ALKAL1: variants seen among roughly 807,000 people sequenced by gnomAD.
ALKAL1 encodes ALK and LTK ligand 1, also known as AUG-beta.
A neutral mutation model predicts 13.5 loss-of-function variants in ALKAL1; 23 were observed. The ratio of observed to expected loss-of-function variants is 1.70; its 90% CI spans 1.23 to 2.41. ALKAL1 has a LOEUF of 2.41. Ranked by LOEUF, ALKAL1 falls within the 30% of genes most tolerant of loss-of-function variation. The pLI is 0.00. For missense variants in ALKAL1, 181 were observed against 178.4 expected, an observed-to-expected ratio of 1.01 and a Z score of -0.08; for synonymous variants, 85 against 77.7, an observed-to-expected ratio of 1.09 and a Z score of -0.49.
chr8:52,562,504 G>A (rs193163086), intron 1 of ALKAL1, among the ~76,000 whole-genome samples: 2 of 152,190 alleles, frequency 1.3e-5, no homozygotes, highest in Admixed American at 1.3e-4. Context: ...AGTGTTCCTG[G>A]GAACCTAACA....
chr8:52,543,049 C>G lies in ALKAL1; in HGVS notation c.191-604G>C, dbSNP rs373077633. On this transcript the variant is annotated intron_variant, in intron 1 of 4. Transcript: ENST00000358543. The stretch of plus-strand genomic sequence containing the variant: ...AGAAATATACTATAAGTCATGATCT[C>G]TCCCACTTGGAAGGTTTTGCACTTA... Among the ~76,000 whole-genome samples the G allele has an allele frequency of 9.2e-5, 14 of 152,330 alleles. No homozygotes were observed. In the South Asian group the frequency reaches 2.9e-3, roughly 32 times the overall value.
intron 1 of ALKAL1, among the ~76,000 whole-genome samples, chr8:52,560,586 T>C (rs571226195): frequency 1.3e-5 from 2 of 152,306 alleles, no homozygotes; most frequent in African/African-American, 4.8e-5. Context: ...TGGAAAGTAG[T>C]CTCCTGGGAC....
intron 1 of ALKAL1, among the ~76,000 whole-genome samples, chr8:52,563,293 C>A (rs1306931343): frequency 6.6e-6 from 1 of 151,990 alleles, no homozygotes; most frequent in Non-Finnish European, 1.5e-5. Context: ...ATTAGCCGGG[C>A]GTGGTGGTGC....
At chr8:52,544,932 T>C (rs1020582184) in intron 1 of ALKAL1, among the ~76,000 whole-genome samples, 1 of 152,206 alleles carries the variant, frequency 6.6e-6, no homozygotes, top group Admixed American at 6.5e-5. Context: ...TTTTGTTTTT[T>C]TGAGACAGGG....
At chr8:52,538,381 A>G (rs1428652417) in intron 4 of ALKAL1, 50 bp downstream of exon 4, 2 of 1,075,120 alleles carry the variant, frequency 1.9e-6, no homozygotes, top group Admixed American at 4.3e-5. Context: ...AAATGTTTAA[A>G]AATAAAGTTA....
At chr8:52,543,803 C>T (rs1158429241) in intron 1 of ALKAL1, among the ~76,000 whole-genome samples, 1 of 152,004 alleles carries the variant, frequency 6.6e-6, no homozygotes, top group Non-Finnish European at 1.5e-5. Context: ...AATGAATGAG[C>T]TGAGTACAGC....
chr8:52,538,829 G>A, intron 3 of ALKAL1, among the ~76,000 whole-genome samples: 1 of 152,024 alleles, frequency 6.6e-6, no homozygotes, highest in East Asian at 1.9e-4. Flanking sequence ...GTAATCCAAT[G>A]TGATTAAATT....
chr8:52,555,800 C>G (rs34380205), intron 1 of ALKAL1, among the ~76,000 whole-genome samples: 29,185 of 152,196 alleles, frequency 0.19, 3,736 homozygotes, highest in East Asian at 0.62. Flanking sequence ...ACATTTTCCC[C>G]GTTCCTCCTT....
rs532708838 is a variant in ALKAL1 at position 52,535,082 on chromosome 8, T to C, written c.*13-482A>G. 1.7e-4 allele frequency among the ~76,000 whole-genome samples: 26 copies of C among 152,346 alleles called. 1 individual carries two copies. In the South Asian group the frequency reaches 5.2e-3, roughly 30 times the overall value. On this transcript the variant is annotated intron_variant, in intron 4 of 4. Coordinates refer to ENST00000358543, the MANE Select transcript of ALKAL1 (RefSeq NM_207413.4). Reference sequence around the variant, plus strand: ...AATTTGTGTACATTATCTTAAATTATAACACAGTACTTGTTTGGGAAAACT... The same window carrying C: ...AATTTGTGTACATTATCTTAAATTACAACACAGTACTTGTTTGGGAAAACT...
chr8:52,557,333 T>C (rs889906620), intron 1 of ALKAL1, among the ~76,000 whole-genome samples: 2 of 152,304 alleles, frequency 1.3e-5, no homozygotes, highest in African/African-American at 2.4e-5. Context: ...TGATGGGGTC[T>C]TCCCTGTGGC....
Position 52,539,891 on chromosome 8 carries a change from C to T in ALKAL1, c.265G>A (p.Glu89Lys). 1 of 1,613,432 alleles carries T rather than the reference C, an allele frequency of 6.2e-7. No individual in the cohort carries two copies. The highest frequency in any genetic ancestry group is 1.7e-4 in the Middle Eastern group (1 of 6,058). Residue 89 changes from glutamate (E) to lysine (K), a missense_variant, in exon 3 of 5, where the codon GAA becomes AAA. Glu to Lys is a moderately conservative substitution (Grantham distance 56). Transcript: ENST00000358543. ...HFTGPVTFSP[E>K]CSKHFHRLYY... ...AGTCGGTGGAAATGTTTGCTGCATTCTGGTGAAAATGTGACCGGCCCTAGA... is the reference window on the plus strand; with the variant it reads ...AGTCGGTGGAAATGTTTGCTGCATTTTGGTGAAAATGTGACCGGCCCTAGA...
chr8:52,550,440 A>G (rs1311348567), intron 1 of ALKAL1, among the ~76,000 whole-genome samples: 1 of 151,388 alleles, frequency 6.6e-6, no homozygotes. Context: ...GCAGAGACAG[A>G]GTTGAGTAGT....
At chr8:52,537,040 G>A (rs979409471) in intron 4 of ALKAL1, among the ~76,000 whole-genome samples, 1 of 152,138 alleles carries the variant, frequency 6.6e-6, no homozygotes, top group Non-Finnish European at 1.5e-5. Context: ...AGAGTGAAGA[G>A]ACAACATGTA....
intron 1 of ALKAL1, among the ~76,000 whole-genome samples, chr8:52,548,945 T>C (rs1302709930): frequency 6.6e-6 from 1 of 152,118 alleles, no homozygotes; most frequent in African/African-American, 2.4e-5. Context: ...AAATGAGCCA[T>C]GATCATGTGA....
At chr8:52,549,431 T>C (rs117417266) in intron 1 of ALKAL1, among the ~76,000 whole-genome samples, 3,510 of 149,694 alleles carry the variant, frequency 0.023, 45 homozygotes, top group Non-Finnish European at 0.037. Flanking sequence ...AGCTATACTA[T>C]ATTAAATATA....
intron 4 of ALKAL1, among the ~76,000 whole-genome samples, chr8:52,536,161 A>G (rs1049748025): frequency 2.0e-5 from 3 of 151,990 alleles, no homozygotes; most frequent in Non-Finnish European, 4.4e-5. Context: ...CTGGTCTCGA[A>G]CTCCTGACTT....
rs550581373 is a variant in ALKAL1, at chr8:52,555,667, G to T, written c.190+9400C>A. Among the ~76,000 whole-genome samples the T allele has an allele frequency of 1.6e-3, 246 of 152,092 alleles. 1 individual carries two copies. Among genetic ancestry groups the T allele is most frequent in the African/African-American group, 5.1e-3 (213 of 41,502 alleles). ...CTAATTGCTCCAGGGCCAGGTACTC[G>T]ACAACTAGAGGCAGCCCTTAGTGCC... On this transcript the variant is annotated intron_variant, in intron 1 of 4. Coordinates refer to ENST00000358543, the MANE Select transcript of ALKAL1 (RefSeq NM_207413.4).
intron 1 of ALKAL1, among the ~76,000 whole-genome samples, chr8:52,554,343 G>C (rs1847460467): frequency 1.3e-5 from 2 of 152,354 alleles, no homozygotes; most frequent in African/African-American, 2.4e-5. Context: ...CAATAGATTG[G>C]TACTTGCGGA....
At chr8:52,550,601 G>A (rs760966072) in intron 1 of ALKAL1, among the ~76,000 whole-genome samples, 2 of 152,290 alleles carry the variant, frequency 1.3e-5, no homozygotes, top group African/African-American at 2.4e-5. Context: ...TTGCTATCTC[G>A]CAGTTCTGGA....
Sources: allele counts gnomAD v4.1 joint callset (sites outside exome capture counted in the v4.1 genomes callset), GRCh38; gene constraint gnomAD v4.1.1; transcripts MANE v1.5; gene names NCBI Gene and HGNC (gene_info 2026-07-23, HGNC 2026-07-21).